Variants in SHLD2 observed in about 807,000 individuals in gnomAD.
SHLD2 encodes the protein RINN1-REV7-interacting novel NHEJ regulator 2.
SHLD2 carries 30 observed loss-of-function variants against 73.2 expected under a neutral mutation model. The observed-to-expected ratio is 0.41, with a 90% CI of 0.31 to 0.56. SHLD2 has a LOEUF of 0.56. SHLD2 is among the 20% of genes least tolerant of loss of function. The pLI is 0.28. For missense variants in SHLD2, 745 were observed against 1,055.9 expected, an observed-to-expected ratio of 0.71 and a Z score of 4.08; for synonymous variants, 285 against 370.1, an observed-to-expected ratio of 0.77 and a Z score of 2.64.
chr10:87,187,520 T>G (rs958180196), intron 9 of SHLD2, among the ~76,000 whole-genome samples: 44 of 152,192 alleles, frequency 2.9e-4, no homozygotes, highest in African/African-American at 1.0e-3. Flanking sequence ...ATGAAGATAG[T>G]CCACTGTCAG....
chr10:87,167,582 G>C (rs1758490518), intron 4 of SHLD2, among the ~76,000 whole-genome samples: 1 of 152,094 alleles, frequency 6.6e-6, no homozygotes, highest in South Asian at 2.1e-4. Context: ...AAATAATTAT[G>C]ATGAAGCCCT....
chr10:87,098,613 C>G (rs1053294284), intron 2 of SHLD2, among the ~76,000 whole-genome samples: 2 of 151,496 alleles, frequency 1.3e-5, no homozygotes, highest in African/African-American at 4.9e-5. Flanking sequence ...ACCTGTGTAT[C>G]TGACTCCAAA....
chr10:87,155,489 C>G (rs1846349458), intron 3 of SHLD2, among the ~76,000 whole-genome samples: 1 of 151,608 alleles, frequency 6.6e-6, no homozygotes, highest in Non-Finnish European at 1.5e-5. Flanking sequence ...ATTAATGCCT[C>G]ATTGTAAATG....
intron 4 of SHLD2, 40 bp downstream of exon 4, chr10:87,158,195 A>G: frequency 6.3e-7 from 1 of 1,587,350 alleles, no homozygotes; most frequent in Non-Finnish European, 8.6e-7. Flanking sequence ...GTAGTGTTTA[A>G]AGTATAAAAA....
At chr10:87,109,652 C>T (rs542513217) in intron 2 of SHLD2, among the ~76,000 whole-genome samples, 7 of 152,308 alleles carry the variant, frequency 4.6e-5, no homozygotes, top group South Asian at 2.1e-4. Flanking sequence ...TCTAAATTTA[C>T]ATCCACTCTT....
In SHLD2 at chr10:87,152,005, C is replaced by T. The variant is rs752610425; in HGVS notation, c.651C>T (p.Asn217=). 3.4e-5 allele frequency: 54 copies of T among 1,611,796 alleles called. No homozygotes were observed. Among genetic ancestry groups the T allele is most frequent in the South Asian group, 3.2e-4 (29 of 90,986 alleles). ...QNQCLGLFSS[N]AVDKSRSEAA... ...AGTGTTTGGGATTATTTTCCTCGAACGCAGTAGATAAGTCAAGGTCTGAAG... is the reference window on the plus strand; with the variant it reads ...AGTGTTTGGGATTATTTTCCTCGAATGCAGTAGATAAGTCAAGGTCTGAAG... The change falls in exon 3 of 10, where the codon AAC becomes AAT. Residue 217 remains asparagine, a synonymous_variant. Coordinates refer to ENST00000298786, the MANE Select transcript of SHLD2 (RefSeq NM_001330112.2).
At chr10:87,094,642 G>A, upstream of SHLD2, 1 of 1,605,862 alleles carries the variant, frequency 6.2e-7, no homozygotes, top group South Asian at 1.1e-5. This position sits in a 1 kb window ranked among gnomAD's most constrained non-coding sequence, Gnocchi z 6.6. Flanking sequence ...TGCCAGCCCC[G>A]GCTGCGGGGC....
At chr10:87,165,902 T>TA (rs1477096290) in intron 4 of SHLD2, among the ~76,000 whole-genome samples, 1 of 152,194 alleles carries the variant, frequency 6.6e-6, no homozygotes, top group Non-Finnish European at 1.5e-5. Context: ...TTGTAAGTCT[T>TA]ACGTTAGTTC....
At chr10:87,120,674 C>T (rs1843556149) in intron 2 of SHLD2, among the ~76,000 whole-genome samples, 1 of 152,210 alleles carries the variant, frequency 6.6e-6, no homozygotes, top group Admixed American at 6.5e-5. Flanking sequence ...TCTTCTTTCT[C>T]ATTCCTTAAC....
Position 87,158,075 on chromosome 10 carries a change from T to C in SHLD2, c.1553T>C (p.Ile518Thr). ...TDVVIHEDQW[I>T]GETVLQSTFS... ...GTTGTTATTCATGAGGACCAATGGA[T>C]TGGCGAGACAGTACTACAATCAACA... Residue 518 changes from isoleucine (I) to threonine (T), a missense_variant, in exon 4 of 10, where the codon ATT (isoleucine) becomes ACT (threonine). By Grantham distance (89) the Ile-to-Thr change is moderately conservative (BLOSUM62 -1). This residue lies in a region of SHLD2 where 418 missense variants were observed against 567.8 expected (regional missense o/e 0.74). Coordinates refer to ENST00000298786, the MANE Select transcript of SHLD2 (RefSeq NM_001330112.2). 1 of 1,611,514 alleles carries C rather than the reference T, an allele frequency of 6.2e-7. No homozygotes were observed. The highest frequency in any genetic ancestry group is 8.5e-7 in the Non-Finnish European group (1 of 1,179,594).
At position 87,151,981 on chromosome 10, in the gene SHLD2, G is replaced by A; in HGVS notation, c.627G>A (p.Gln209=). 6.2e-7 allele frequency: 1 copy of A among 1,611,918 alleles called. No individual in the cohort carries two copies. The highest frequency in any genetic ancestry group is 8.5e-7 in the Non-Finnish European group (1 of 1,179,814). ...VPTEYHEIQN[Q]CLGLFSSNAV... is the part of the protein sequence containing the mutation. ...CAGAATATCATGAAATACAAAACCA[G>A]TGTTTGGGATTATTTTCCTCGAACG... is the stretch of plus-strand genomic sequence containing the variant. The change falls in exon 3 of 10, where the codon CAG becomes CAA. Residue 209 remains glutamine, a synonymous_variant. Coordinates refer to ENST00000298786, the MANE Select transcript of SHLD2 (RefSeq NM_001330112.2).
chr10:87,148,044 T>G (rs1378055564), intron 2 of SHLD2, among the ~76,000 whole-genome samples: 1 of 152,102 alleles, frequency 6.6e-6, no homozygotes, highest in African/African-American at 2.4e-5. Flanking sequence ...TTTTACAGGA[T>G]TTTACCATGT....
At chr10:87,166,469 A>G (rs1041728543) in intron 4 of SHLD2, among the ~76,000 whole-genome samples, 7 of 152,226 alleles carry the variant, frequency 4.6e-5, no homozygotes, top group Admixed American at 2.0e-4. Flanking sequence ...TTAAATGAAG[A>G]AAAACTAACA....
At chr10:87,116,752 T>C (rs1275699260) in intron 2 of SHLD2, among the ~76,000 whole-genome samples, 1 of 152,196 alleles carries the variant, frequency 6.6e-6, no homozygotes, top group Non-Finnish European at 1.5e-5. Context: ...TATATATTTG[T>C]ATGAATGATC....
chr10:87,183,601 T>G (rs1305334905), intron 8 of SHLD2, among the ~76,000 whole-genome samples: 3 of 152,226 alleles, frequency 2.0e-5, no homozygotes, highest in Non-Finnish European at 4.4e-5. Flanking sequence ...AGCCAAACTT[T>G]GTTAAAGAGT....
chr10:87,150,240 T>C (rs1845917939), intron 2 of SHLD2, among the ~76,000 whole-genome samples: 1 of 151,658 alleles, frequency 6.6e-6, no homozygotes, highest in African/African-American at 2.4e-5. Context: ...AATTTTTGTA[T>C]TTTTAGTAGA....
intron 6 of SHLD2, among the ~76,000 whole-genome samples, chr10:87,172,465 G>T (rs988852049): frequency 6.6e-6 from 1 of 152,062 alleles, no homozygotes; most frequent in South Asian, 2.1e-4. Flanking sequence ...TGTGATCTGG[G>T]TGAATACATA....
intron 2 of SHLD2, among the ~76,000 whole-genome samples, chr10:87,108,131 C>T (rs1007418969): frequency 1.3e-5 from 2 of 152,168 alleles, no homozygotes; most frequent in Admixed American, 1.3e-4. Context: ...CTCACTGCAA[C>T]CTTCACCTCC....
intron 2 of SHLD2, among the ~76,000 whole-genome samples, chr10:87,126,875 T>G (rs12251100): frequency 6.6e-6 from 1 of 152,216 alleles, no homozygotes; most frequent in Non-Finnish European, 1.5e-5. Flanking sequence ...TCATTATTAT[T>G]CCTTAAATGA....
Sources: allele counts gnomAD v4.1 joint callset (sites outside exome capture counted in the v4.1 genomes callset), GRCh38; gene constraint gnomAD v4.1.1; regional missense constraint gnomAD v4.1.1; non-coding constraint Gnocchi (gnomAD v3.1); transcripts MANE v1.5; gene names NCBI Gene and HGNC (gene_info 2026-07-23, HGNC 2026-07-21).